Variants in SETD2 observed in about 807,000 individuals in gnomAD.
SETD2 encodes the protein SET domain containing 2, histone lysine methyltransferase.
Under a neutral mutation model 242.1 loss-of-function variants are expected in SETD2, and 31 were observed. The observed-to-expected ratio is 0.13, with a 90% CI of 0.10 to 0.17. SETD2 has a LOEUF of 0.17. Ranked by LOEUF, SETD2 falls within the 10% of genes least tolerant of loss-of-function variation. The pLI, the probability that SETD2 is intolerant of heterozygous loss-of-function variation, is 1.00. For synonymous variants in SETD2, 1,006 were observed against 1,066.5 expected, an observed-to-expected ratio of 0.94 and a Z score of 1.11; for missense variants, 2,481 against 3,046.3, an observed-to-expected ratio of 0.81 and a Z score of 4.37.
At chr3:47,072,287 G>A (rs1031532308) in intron 12 of SETD2, among the ~76,000 whole-genome samples, 25 of 152,164 alleles carry the variant, frequency 1.6e-4, no homozygotes, top group African/African-American at 5.3e-4. Context: ...CAGCCTGGGC[G>A]ACAGAGTGAG....
At chr3:47,102,432 T>C (rs962485490) in intron 7 of SETD2, among the ~76,000 whole-genome samples, 2 of 152,242 alleles carry the variant, frequency 1.3e-5, no homozygotes, top group Non-Finnish European at 2.9e-5. Flanking sequence ...AAAAGTGCTA[T>C]TTCAACATGA....
intron 9 of SETD2, among the ~76,000 whole-genome samples, chr3:47,095,673 TACTA>T (rs2041978098): frequency 6.6e-6 from 1 of 151,300 alleles, no homozygotes; most frequent in African/African-American, 2.4e-5. Flanking sequence ...TGTGCAAAGA[TACTA>T]ACTTTGAAAT....
intron 16 of SETD2, 28 bp downstream of exon 16, chr3:47,046,459 G>C (rs2107548781): frequency 6.5e-7 from 1 of 1,549,904 alleles, no homozygotes. Flanking sequence ...GACAGCCAAT[G>C]AGTTTTAACA....
At chr3:47,058,227 G>T (rs1004143967) in intron 14 of SETD2, among the ~76,000 whole-genome samples, 2 of 151,988 alleles carry the variant, frequency 1.3e-5, no homozygotes, top group Non-Finnish European at 2.9e-5. Context: ...CAGATCACCT[G>T]AGGTCAGGAG....
intron 3 of SETD2, among the ~76,000 whole-genome samples, chr3:47,117,015 T>C (rs1426406927): frequency 1.3e-5 from 2 of 151,980 alleles, no homozygotes; most frequent in Non-Finnish European, 1.5e-5. Flanking sequence ...GTTTTTGTTA[T>C]TGTTGTTGTT....
intron 12 of SETD2, among the ~76,000 whole-genome samples, chr3:47,070,648 G>C (rs1272226797): frequency 6.6e-6 from 1 of 152,162 alleles, no homozygotes; most frequent in Non-Finnish European, 1.5e-5. Context: ...AGGCCACAGA[G>C]TCTGTTACAG....
At position 47,163,951 on chromosome 3, in the gene SETD2, A is replaced by G. The variant is rs1400008127; in HGVS notation, c.-27T>C. Reference sequence around the variant, plus strand: ...GGGAGCGGCTGGAGACGGCGACGCGAGCCCCCTCCCCGCAGCAGGGCGACG... The same window carrying G: ...GGGAGCGGCTGGAGACGGCGACGCGGGCCCCCTCCCCGCAGCAGGGCGACG... On this transcript the variant is annotated 5_prime_UTR_variant, in exon 1 of 21. Transcript: ENST00000409792. The G allele has an allele frequency of 7.8e-7, 1 of 1,275,124 alleles. No individual in the cohort carries two copies. 79.0% of individuals were successfully genotyped at this position (1,275,124 alleles called of 1,614,324 possible).
intron 12 of SETD2, among the ~76,000 whole-genome samples, chr3:47,075,130 T>C (rs1339896806): frequency 7.4e-6 from 1 of 135,068 alleles, no homozygotes; most frequent in Non-Finnish European, 1.6e-5. Flanking sequence ...CGAGACTCCG[T>C]CTCTTAAAAA....
intron 1 of SETD2, among the ~76,000 whole-genome samples, chr3:47,138,557 G>A (rs2043647918): frequency 1.3e-5 from 2 of 152,184 alleles, no homozygotes; most frequent in South Asian, 4.1e-4. Context: ...AACTAGCTGG[G>A]ATTACAGGCA....
intron 18 of SETD2, among the ~76,000 whole-genome samples, chr3:47,029,611 T>C (rs914647823): frequency 1.3e-5 from 2 of 152,180 alleles, no homozygotes; most frequent in Non-Finnish European, 2.9e-5. Flanking sequence ...CTTGTTTCTT[T>C]GACCTGACAG....
chr3:47,110,418 T>C (rs913693810), intron 5 of SETD2, among the ~76,000 whole-genome samples: 13 of 152,342 alleles, frequency 8.5e-5, no homozygotes, highest in South Asian at 4.1e-4. Flanking sequence ...GTCAATATTA[T>C]ATTATGTGAA....
intron 1 of SETD2, among the ~76,000 whole-genome samples, chr3:47,160,207 A>C (rs1697447986): frequency 6.6e-6 from 1 of 152,108 alleles, no homozygotes; most frequent in South Asian, 2.1e-4. Context: ...ACCTCACTTT[A>C]AATTGCAACC....
At chr3:47,090,337 T>C (rs2041746378) in intron 9 of SETD2, among the ~76,000 whole-genome samples, 1 of 152,116 alleles carries the variant, frequency 6.6e-6, no homozygotes, top group Non-Finnish European at 1.5e-5. Flanking sequence ...TGATAAAACC[T>C]GAACAGAATC....
In SETD2 at chr3:47,120,296, G is replaced by A. The variant is rs749975185; in HGVS notation, c.4340C>T (p.Pro1447Leu). 3 of 1,613,722 alleles carry A rather than the reference G, an allele frequency of 1.9e-6. No individual in the cohort carries two copies. The highest frequency in any genetic ancestry group is 1.1e-5 in the South Asian group (1 of 91,012). The part of the protein sequence containing the change: ...SVPPGSALVG[P>L]SCVMDDFRDP... ...CCTGAAGTCATCCATGACACAGGAG[G>A]GCCCAACCAGTGCTGAACCTGGGGG... Residue 1447 changes from proline to leucine, a missense_variant, in exon 3 of 21, where the codon CCC (proline) becomes CTC (leucine). Pro to Leu is a moderately conservative substitution (Grantham distance 98, BLOSUM62 -3). Around this residue, in one of 17 missense-constraint regions of SETD2, gnomAD observed 1,300 missense variants for 1,259.2 expected, o/e 1.03. Coordinates refer to ENST00000409792, the MANE Select transcript of SETD2 (RefSeq NM_014159.7).
chr3:47,056,206 C>T (rs1179361024), intron 15 of SETD2, among the ~76,000 whole-genome samples: 1 of 150,932 alleles, frequency 6.6e-6, no homozygotes, highest in African/African-American at 2.4e-5. Context: ...CTCACTGTAA[C>T]CTCTGCCTCC....
rs927836319 is a variant in SETD2 at position 47,017,432 on chromosome 3, C to A, written c.7534-178G>T. On this transcript the variant is annotated intron_variant, in intron 20 of 20. Coordinates refer to ENST00000409792, the MANE Select transcript of SETD2 (RefSeq NM_014159.7). This position sits in a 1 kb window ranked among gnomAD's most constrained non-coding sequence, Gnocchi z 4.8. ...TGCTATGATCACCAGAAAGGACAAG[C>A]TGAGCTCTGAAAATTTCTTAGAGAA... Among the ~76,000 whole-genome samples the A allele has an allele frequency of 6.6e-6, 1 of 152,068 alleles. No individual in the cohort carries two copies. The highest frequency in any genetic ancestry group is 1.5e-5 in the Non-Finnish European group (1 of 68,012).
In SETD2 at chr3:47,044,344, C is replaced by CA. The variant is rs59408277; in HGVS notation, c.7099-1645dup. Among the ~76,000 whole-genome samples, 27 of 33,948 alleles carry CA rather than the reference C, an allele frequency of 8.0e-4. 2 individuals are homozygous for CA. Among genetic ancestry groups the CA allele is most frequent in the East Asian group, 1.3e-3 (1 of 762 alleles). The allele number at this position is 33,948 out of a possible 152,430, so 22.3% of individuals were successfully genotyped here. On this transcript the variant is annotated intron_variant, in intron 16 of 20. Transcript: ENST00000409792. ...TGGGCAACAAAGCAAGACTTCATCTCAAAAAAAAAAAAAAAAAAAAAAAAA... is the reference window on the plus strand; with the variant it reads ...TGGGCAACAAAGCAAGACTTCATCTCAAAAAAAAAAAAAAAAAAAAAAAAAA...
At position 47,124,244 on chromosome 3, in the gene SETD2, G is replaced by A. The variant is rs1165951113; in HGVS notation, c.392C>T (p.Ser131Phe). The change falls in exon 3 of 21, where the codon TCC (serine) becomes TTC (phenylalanine). Residue 131 changes from serine (S) to phenylalanine (F), a missense_variant. Physicochemically the swap from Ser to Phe is radical, Grantham distance 155. Around this residue, in one of 17 missense-constraint regions of SETD2, gnomAD observed 334 missense variants for 374.5 expected, o/e 0.89. Coordinates refer to ENST00000409792, the MANE Select transcript of SETD2 (RefSeq NM_014159.7). Reference protein sequence around the residue: ...GDTLSTAEESSPPKSRVELGK... With the variant: ...GDTLSTAEESFPPKSRVELGK... Reference sequence around the variant, plus strand: ...CAATTCCACCCTTGACTTTGGTGGGGAAGATTCTTCTGCAGTAGATAAGGT... The same window carrying A: ...CAATTCCACCCTTGACTTTGGTGGGAAAGATTCTTCTGCAGTAGATAAGGT... 5 of 1,551,712 alleles carry A rather than the reference G, an allele frequency of 3.2e-6. No individual in the cohort carries two copies. The highest frequency in any genetic ancestry group is 3.5e-6 in the Non-Finnish European group (4 of 1,146,952).
In SETD2 at chr3:47,123,074, G is replaced by A. The variant is rs1432277979; in HGVS notation, c.1562C>T (p.Thr521Ile). 1.2e-6 allele frequency: 2 copies of A among 1,613,652 alleles called. No homozygotes were observed. The highest frequency in any genetic ancestry group is 1.7e-5 in the Admixed American group (1 of 59,914). The change falls in exon 3 of 21, where the codon ACT becomes ATT. Residue 521 changes from threonine (T) to isoleucine (I), a missense_variant. Around this residue, in one of 17 missense-constraint regions of SETD2, gnomAD observed 1,300 missense variants for 1,259.2 expected, o/e 1.03. Transcript: ENST00000409792. Reference sequence around the variant, plus strand: ...TCTTTTAATTGCTTCATTTTCTGAAGTCCTTTTAGATTCTCTTTCTAGTTT... The same window carrying A: ...TCTTTTAATTGCTTCATTTTCTGAAATCCTTTTAGATTCTCTTTCTAGTTT... Reference protein sequence around the residue: ...SSKLERESKRTSENEAIKRCC... With the variant: ...SSKLERESKRISENEAIKRCC...
Sources: allele counts gnomAD v4.1 joint callset (sites outside exome capture counted in the v4.1 genomes callset), GRCh38; gene constraint gnomAD v4.1.1; regional missense constraint gnomAD v4.1.1; non-coding constraint Gnocchi (gnomAD v3.1); transcripts MANE v1.5; gene names NCBI Gene and HGNC (gene_info 2026-07-23, HGNC 2026-07-21).